The following ELAC2 variants were observed in gnomAD, a reference collection of about 807,000 sequenced individuals.
The protein encoded by ELAC2 is elaC ribonuclease Z 2, also known as zinc phosphodiesterase ELAC protein 2.
ELAC2 carries 92 observed loss-of-function variants against 105.2 expected under a neutral mutation model. The observed-to-expected ratio is 0.87, with a 90% CI of 0.74 to 1.04. ELAC2 has a LOEUF of 1.04. Ranked by LOEUF, ELAC2 falls within the 50% of genes least tolerant of loss-of-function variation. The pLI, the probability that ELAC2 is intolerant of heterozygous loss-of-function variation, is 0.00. For missense variants in ELAC2, 1,099 were observed against 1,071.7 expected (o/e 1.03, Z -0.36); for synonymous variants, 468 against 409.1 (o/e 1.14, Z -1.74).
intron 14 of ELAC2, 77 bp downstream of exon 14, chr17:13,002,197 C>T (rs537815958): frequency 6.7e-7 from 1 of 1,490,068 alleles, no homozygotes; most frequent in Non-Finnish European, 9.2e-7. Context: ...CCTCCTGGAA[C>T]ATTTACTATG....
chr17:13,005,446 G>A (rs754906974), intron 10 of ELAC2, among the ~76,000 whole-genome samples: 7 of 152,128 alleles, frequency 4.6e-5, no homozygotes, highest in Non-Finnish European at 1.0e-4. Flanking sequence ...ATAAACCCCA[G>A]GCCCATCCAT....
chr17:13,016,876 A>G lies in ELAC2; in HGVS notation c.353T>C (p.Val118Ala). The change falls in exon 3 of 24, where the codon GTT becomes GCT. Residue 118 changes from valine (V) to alanine (A), a missense_variant. Val to Ala is a moderately conservative substitution (Grantham distance 64). Coordinates refer to ENST00000338034, the MANE Select transcript of ELAC2 (RefSeq NM_018127.7). Reference sequence around the variant, plus strand: ...AATATACTCACCACTTAAGCCCCCAACATTAGACCAGTGCATTCGTGTCAG... The same window carrying G: ...AATATACTCACCACTTAAGCCCCCAGCATTAGACCAGTGCATTCGTGTCAG... ...IFLTRMHWSN[V>A]GGLSGMILTL... 1.2e-6 allele frequency: 2 copies of G among 1,614,170 alleles called. No homozygotes were observed. Among genetic ancestry groups the G allele is most frequent in the Non-Finnish European group, 1.7e-6 (2 of 1,180,030 alleles).
rs1368550152 is a variant in ELAC2 at position 12,991,771 on chromosome 17, T to C, written c.*1047A>G. The C allele has an allele frequency of 1.9e-5, 4 of 213,348 alleles. No individual in the cohort carries two copies. The highest frequency in any genetic ancestry group is 1.8e-4 in the Admixed American group (3 of 16,960). The allele number at this position is 213,348 out of a possible 1,614,324, so 13.2% of individuals were successfully genotyped here. A position where few individuals can be genotyped will look rare whatever the true frequency, so the allele number is the denominator to read the frequency against. Reference sequence around the variant, plus strand: ...GGTCCCTGGCTGATCTCTCGCTTGCTTGTCTTTTGAGTTTTTAAAGCTCTT... The same window carrying C: ...GGTCCCTGGCTGATCTCTCGCTTGCCTGTCTTTTGAGTTTTTAAAGCTCTT... On this transcript the variant is annotated 3_prime_UTR_variant, in exon 24 of 24. Coordinates refer to ENST00000338034, the MANE Select transcript of ELAC2 (RefSeq NM_018127.7).
At position 12,996,705 on chromosome 17, in the gene ELAC2, GAGAGTCA is replaced by G. The variant is rs1273049453; in HGVS notation, c.1521-27_1521-21del. 1.2e-6 allele frequency: 2 copies of G among 1,610,870 alleles called. No homozygotes were observed. Among genetic ancestry groups the G allele is most frequent in the African/African-American group, 2.7e-5 (2 of 74,896 alleles). Reference sequence around the variant, plus strand: ...TCGGGGCTGCAGAAGAGAAGAGGAAGAGAGTCACTGCCACTAGGAAGACTGCTGATGG... The same window carrying G: ...TCGGGGCTGCAGAAGAGAAGAGGAAGCTGCCACTAGGAAGACTGCTGATGG... On this transcript the variant is annotated intron_variant, in intron 16 of 23. Transcript: ENST00000338034.
chr17:13,004,861 G>T (rs2041018441), intron 11 of ELAC2, 128 bp downstream of exon 11: 1 of 798,698 alleles, frequency 1.3e-6, no homozygotes, highest in Non-Finnish European at 2.2e-6. Flanking sequence ...AGGCAGGAGT[G>T]CCGGCCTCTG....
chr17:12,993,924 G>C (rs1269023536), intron 22 of ELAC2, 93 bp from the exon 23 acceptor site: 1 of 1,584,988 alleles, frequency 6.3e-7, no homozygotes, highest in Non-Finnish European at 8.6e-7. Flanking sequence ...AACTGCCAGG[G>C]CACCCGGGGA....
rs191620212 is a variant in ELAC2 at position 12,994,032 on chromosome 17, G to C, written c.2109-201C>G. Among the ~76,000 whole-genome samples, 1,325 of 152,246 alleles carry C rather than the reference G, an allele frequency of 8.7e-3. 16 individuals carry two copies. The highest frequency in any genetic ancestry group is 0.029 in the African/African-American group (1,225 of 41,536). ...CACCCCTGGATGAAGCCCACCCTCT[G>C]TGCTGGCTGCCAAATCTGTCCATGA... On this transcript the variant is annotated intron_variant, in intron 22 of 23. Coordinates refer to ENST00000338034, the MANE Select transcript of ELAC2 (RefSeq NM_018127.7).
Position 12,998,634 on chromosome 17 carries a change from T to A in ELAC2, c.1424-126A>T. 3 of 922,332 alleles carry A rather than the reference T, an allele frequency of 3.3e-6. No homozygotes were observed. The East Asian group carries it at 8.0e-5, about 24-fold the overall frequency. The allele number at this position is 922,332 out of a possible 1,614,324, so 57.1% of individuals were successfully genotyped here. A position where few individuals can be genotyped will look rare whatever the true frequency, so the allele number is the denominator to read the frequency against. On this transcript the variant is annotated intron_variant, in intron 15 of 23. Transcript: ENST00000338034. The stretch of plus-strand genomic sequence containing the variant: ...CCCCAGACCTCATGTGGAAACGTGC[T>A]CCCTAGTATGGCGGTTTTGGGAGGC...
intron 11 of ELAC2, 113 bp downstream of exon 11, chr17:13,004,876 G>A (rs973936382): frequency 3.3e-6 from 3 of 899,368 alleles, no homozygotes; most frequent in South Asian, 1.3e-5. Context: ...CCTCTGAACT[G>A]TAAACCCAGA....
At chr17:13,000,517 T>G in intron 14 of ELAC2, 1 of 534,166 alleles carries the variant, frequency 1.9e-6, no homozygotes, top group Non-Finnish European at 3.4e-6. Context: ...GACAGTTTTT[T>G]TCTGTGGCCA....
In ELAC2 at chr17:12,991,846, AACTTACTTACTT is replaced by A. The variant is rs374351010; in HGVS notation, c.*960_*971del. Among the ~76,000 whole-genome samples, 4 of 151,352 alleles carry A rather than the reference AACTTACTTACTT, an allele frequency of 2.6e-5. No homozygotes were observed. Among genetic ancestry groups the A allele is most frequent in the African/African-American group, 4.9e-5 (2 of 41,214 alleles). On this transcript the variant is annotated 3_prime_UTR_variant, in exon 24 of 24. Transcript: ENST00000338034. ...AATATACACAATAAATACTAGATTC[AACTTACTTACTT>A]ACTTACTTACTTTACTTACTTACTT...
rs531134200 is a variant in ELAC2, at chr17:12,995,766, T to A, written c.1745A>T (p.Asn582Ile). The part of the protein sequence containing the change: ...PLHPLLVVAP[N>I]QLKAWLQQYH... ...CTGCTGGAGCCAGGCTTTGAGCTGG[T>A]TGGGGGCAACCACCAGCAAAGGGTG... The change falls in exon 19 of 24, where the codon AAC becomes ATC. Residue 582 changes from asparagine to isoleucine, a missense_variant. Physicochemically the swap from Asn to Ile is moderately radical, Grantham distance 149 (BLOSUM62 -3). Transcript: ENST00000338034. The A allele has an allele frequency of 6.2e-7, 1 of 1,613,066 alleles. No individual in the cohort carries two copies. Among genetic ancestry groups the A allele is most frequent in the Non-Finnish European group, 8.5e-7 (1 of 1,179,596 alleles).
intron 12 of ELAC2, 47 bp from the exon 13 acceptor site, chr17:13,002,626 C>G (rs1278659756): frequency 3.2e-6 from 5 of 1,565,184 alleles, no homozygotes; most frequent in Admixed American, 3.7e-5. Context: ...TAGGAGGCAG[C>G]TCCCCCTGAG....
chr17:13,002,203 C>T, intron 14 of ELAC2, 71 bp downstream of exon 14: 2 of 1,514,426 alleles, frequency 1.3e-6, no homozygotes, highest in African/African-American at 1.4e-5. Flanking sequence ...GGAACATTTA[C>T]TATGTGGCTA....
At chr17:12,995,330 C>T (rs981570693) in intron 19 of ELAC2, among the ~76,000 whole-genome samples, 13 of 152,146 alleles carry the variant, frequency 8.5e-5, no homozygotes, top group Non-Finnish European at 1.9e-4. Context: ...ACTCCTTCCC[C>T]TTGGGGTGAG....
At position 12,996,562 on chromosome 17, in the gene ELAC2, G is replaced by A. The variant is rs778683685; in HGVS notation, c.1644C>T (p.His548=). ...TLAAVFVSHL[H]ADHHTGLPSI... ...CAACACTCACCGTGTGGTGATCTGCGTGCAGGTGGGACACAAACACAGCAG... is the reference window on the plus strand; with the variant it reads ...CAACACTCACCGTGTGGTGATCTGCATGCAGGTGGGACACAAACACAGCAG... The change falls in exon 17 of 24, where the codon CAC becomes CAT. Residue 548 remains histidine (H), a synonymous_variant. Transcript: ENST00000338034. 18 of 1,613,844 alleles carry A rather than the reference G, an allele frequency of 1.1e-5. No homozygotes were observed. The highest frequency in any genetic ancestry group is 1.6e-4 in the Middle Eastern group (1 of 6,084).
chr17:13,011,922 G>A, intron 6 of ELAC2, 140 bp from the exon 7 acceptor site: 2 of 1,349,776 alleles, frequency 1.5e-6, no homozygotes, highest in Non-Finnish European at 2.1e-6. Context: ...TAACTAGTTA[G>A]TTAACTTCCT....
At chr17:12,996,516 C>A (rs1242995245) in intron 17 of ELAC2, 31 bp downstream of exon 17, 3 of 1,613,240 alleles carry the variant, frequency 1.9e-6, no homozygotes, top group Non-Finnish European at 1.7e-6. Flanking sequence ...CTCCTCCAGG[C>A]TCCAGCTTTG....
Position 13,005,905 on chromosome 17 carries a change from TACCCCCC to T in ELAC2, c.797+9_797+15del. On this transcript the variant is annotated intron_variant, in intron 9 of 23. Transcript: ENST00000338034. ...GTACCCAGTGAGTCCCCAGAAGCCT[TACCCCCC>T]ACACTCACACTGGGAGGCCCATCTC... is the stretch of plus-strand genomic sequence containing the variant. The T allele has an allele frequency of 6.2e-7, 1 of 1,614,132 alleles. No individual in the cohort carries two copies. The highest frequency in any genetic ancestry group is 8.5e-7 in the Non-Finnish European group (1 of 1,180,018).
Sources: allele counts gnomAD v4.1 joint callset (sites outside exome capture counted in the v4.1 genomes callset), GRCh38; gene constraint gnomAD v4.1.1; transcripts MANE v1.5; gene names NCBI Gene and HGNC (gene_info 2026-07-23, HGNC 2026-07-21).